The following WDR7 variants were observed in gnomAD, a reference collection of about 807,000 sequenced individuals.
The protein encoded by WDR7 is WD repeat-containing protein 7.
In WDR7, 46 loss-of-function variants were observed where a neutral mutation model predicts 169.4. That is an observed-to-expected ratio of 0.27 (90% CI 0.21 to 0.35). WDR7 has a LOEUF of 0.35. Among genes scored for constraint, WDR7 ranks in the 10% least tolerant of loss-of-function variants. The pLI is 1.00. For synonymous variants in WDR7, 612 were observed against 666.8 expected (o/e 0.92, Z 1.27); for missense variants, 1,534 against 1,859.3 (o/e 0.83, Z 3.22).
intron 16 of WDR7, among the ~76,000 whole-genome samples, chr18:56,768,720 C>T (rs1173116745): frequency 6.6e-6 from 1 of 152,048 alleles, no homozygotes; most frequent in Non-Finnish European, 1.5e-5. Context: ...TTTTTTATTT[C>T]CTGACTTCCT....
intron 22 of WDR7, among the ~76,000 whole-genome samples, chr18:56,933,952 G>T (rs562937940): frequency 6.6e-6 from 1 of 152,294 alleles, no homozygotes; most frequent in East Asian, 1.9e-4. Context: ...CTTTTCCCTG[G>T]CTGACTGCTT....
At chr18:56,807,568 A>T (rs760091625) in intron 19 of WDR7, among the ~76,000 whole-genome samples, 8 of 152,286 alleles carry the variant, frequency 5.3e-5, no homozygotes, top group East Asian at 1.9e-4. Flanking sequence ...CTATTGATAC[A>T]GTACACTTCC....
intron 12 of WDR7, among the ~76,000 whole-genome samples, chr18:56,708,951 A>G (rs951730231): frequency 1.3e-5 from 2 of 152,004 alleles, no homozygotes; most frequent in African/African-American, 4.8e-5. Flanking sequence ...AACAACAACA[A>G]CAGCAACAAC....
intron 16 of WDR7, among the ~76,000 whole-genome samples, chr18:56,759,219 G>C (rs975487727): frequency 6.6e-5 from 10 of 152,106 alleles, no homozygotes; most frequent in African/African-American, 1.9e-4. Context: ...ACCTTAACTT[G>C]ACAACAGTAG....
At chr18:56,963,187 C>A (rs542281064) in intron 26 of WDR7, among the ~76,000 whole-genome samples, 3 of 152,048 alleles carry the variant, frequency 2.0e-5, no homozygotes, top group African/African-American at 7.2e-5. Context: ...TGAAACATAG[C>A]CTTAAATCAC....
At position 56,772,415 on chromosome 18, in the gene WDR7, G is replaced by T. The variant is rs1599032090; in HGVS notation, c.2849-4367G>T. Among the ~76,000 whole-genome samples, 2 of 152,138 alleles carry T rather than the reference G, an allele frequency of 1.3e-5. 1 individual carries two copies. ...CAGATACAAGCAGGGCTGTGAGATG[G>T]CTTCCGAAGAGATGGTTCAAGGAAA... On this transcript the variant is annotated intron_variant, in intron 16 of 27. Coordinates refer to ENST00000254442, the MANE Select transcript of WDR7 (RefSeq NM_015285.3).
chr18:56,957,615 C>T (rs1375782709), intron 25 of WDR7: 1 of 152,008 alleles, frequency 6.6e-6, no homozygotes, highest in Non-Finnish European at 1.5e-5. Context: ...CTCATAATAC[C>T]TCGGTTACTT....
intron 15 of WDR7, among the ~76,000 whole-genome samples, chr18:56,757,579 A>C (rs1050511632): frequency 6.6e-6 from 1 of 152,178 alleles, no homozygotes; most frequent in Non-Finnish European, 1.5e-5. Flanking sequence ...TGTTTTTTAA[A>C]AATTTGGAAT....
At chr18:56,861,435 G>A (rs1171683602) in intron 20 of WDR7, among the ~76,000 whole-genome samples, 1 of 152,148 alleles carries the variant, frequency 6.6e-6, no homozygotes, top group African/African-American at 2.4e-5. Context: ...ACAGCGATTG[G>A]GCCTCCTGTT....
At chr18:56,869,289 G>A (rs1346629641) in intron 20 of WDR7, among the ~76,000 whole-genome samples, 1 of 152,086 alleles carries the variant, frequency 6.6e-6, no homozygotes, top group Non-Finnish European at 1.5e-5. Context: ...GTATACAAGA[G>A]GCATTATTTC....
chr18:56,877,471 A>T (rs2046039759), intron 20 of WDR7, among the ~76,000 whole-genome samples: 1 of 152,162 alleles, frequency 6.6e-6, no homozygotes, highest in African/African-American at 2.4e-5. Context: ...TGGAAGGGGG[A>T]CCTCAGGGAC....
chr18:56,657,719 C>G (rs1331902902), intron 1 of WDR7, among the ~76,000 whole-genome samples: 2 of 152,174 alleles, frequency 1.3e-5, no homozygotes, highest in Non-Finnish European at 2.9e-5. Context: ...ATTCTTAAAG[C>G]TGCTTTGCTG....
At chr18:56,951,752 C>G (rs2047187032) in intron 25 of WDR7, among the ~76,000 whole-genome samples, 1 of 151,942 alleles carries the variant, frequency 6.6e-6, no homozygotes, top group Non-Finnish European at 1.5e-5. Flanking sequence ...CATATATACA[C>G]TATGTATATA....
chr18:56,806,427 A>G (rs2044774335), intron 19 of WDR7, among the ~76,000 whole-genome samples: 2 of 152,176 alleles, frequency 1.3e-5, no homozygotes, highest in African/African-American at 4.8e-5. Context: ...TCCTTTCTTC[A>G]AATGAAAACT....
chr18:56,804,809 A>G (rs2044741089), intron 19 of WDR7, among the ~76,000 whole-genome samples: 1 of 152,242 alleles, frequency 6.6e-6, no homozygotes, highest in South Asian at 2.1e-4. Flanking sequence ...ATGCAAATGT[A>G]CAAAGGAACA....
At chr18:56,809,950 A>C (rs555019357) in intron 19 of WDR7, among the ~76,000 whole-genome samples, 1 of 151,964 alleles carries the variant, frequency 6.6e-6, no homozygotes, top group South Asian at 2.1e-4. Flanking sequence ...CTTTTGTCAC[A>C]CTCCTAACCC....
chr18:56,889,913 A>C (rs1319289861), intron 21 of WDR7, among the ~76,000 whole-genome samples: 1 of 152,184 alleles, frequency 6.6e-6, no homozygotes, highest in African/African-American at 2.4e-5. Flanking sequence ...CACTAGAGAT[A>C]ATTAATTTTT....
intron 26 of WDR7, among the ~76,000 whole-genome samples, chr18:56,986,508 A>G (rs2047722350): frequency 6.6e-6 from 1 of 152,142 alleles, no homozygotes; most frequent in South Asian, 2.1e-4. Flanking sequence ...AAAAATGTCA[A>G]ACCACTATAA....
intron 19 of WDR7, among the ~76,000 whole-genome samples, chr18:56,813,409 T>C (rs1356800095): frequency 6.6e-6 from 1 of 151,972 alleles, no homozygotes; most frequent in Non-Finnish European, 1.5e-5. Flanking sequence ...GTTGTAGGCT[T>C]TTAGTAGATG....
Sources: allele counts gnomAD v4.1 joint callset (sites outside exome capture counted in the v4.1 genomes callset), GRCh38; gene constraint gnomAD v4.1.1; transcripts MANE v1.5; gene names NCBI Gene and HGNC (gene_info 2026-07-23, HGNC 2026-07-21).